EDAR: variants seen among roughly 807,000 people sequenced by gnomAD.
The protein encoded by EDAR is ectodysplasin A receptor.
EDAR carries 38 observed loss-of-function variants against 51.3 expected under a neutral mutation model. The observed-to-expected ratio is 0.74, with a 90% confidence interval of 0.57 to 0.97. The LOEUF is 0.97. EDAR is among the 50% of genes least tolerant of loss of function. The pLI, the probability that EDAR is intolerant of heterozygous loss-of-function variation, is 0.00. For missense variants in EDAR, 528 were observed against 595.0 expected (o/e 0.89, Z 1.17); for synonymous variants, 227 against 242.1 (o/e 0.94, Z 0.58).
At chr2:108,966,211 TG>T in intron 1 of EDAR, among the ~76,000 whole-genome samples, 1 of 152,212 alleles carries the variant, frequency 6.6e-6, no homozygotes. Flanking sequence ...ATTTCAAGAA[TG>T]CAAAGACCTG....
intron 1 of EDAR, among the ~76,000 whole-genome samples, chr2:108,972,567 A>G (rs779733740): frequency 1.3e-5 from 2 of 152,242 alleles, no homozygotes; most frequent in Non-Finnish European, 2.9e-5. Context: ...ACCTGGGTTC[A>G]GAAGCTGGTG....
chr2:108,957,166 G>C (rs1440100497), intron 1 of EDAR, among the ~76,000 whole-genome samples: 1 of 152,228 alleles, frequency 6.6e-6, no homozygotes, highest in African/African-American at 2.4e-5. Context: ...ATCTAAGTGA[G>C]GTAACTGGCC....
At chr2:108,961,204 A>G in intron 1 of EDAR, among the ~76,000 whole-genome samples, 1 of 151,786 alleles carries the variant, frequency 6.6e-6, no homozygotes, top group East Asian at 1.9e-4. Context: ...GAAAAAGAAG[A>G]CTGACCATAA....
intron 1 of EDAR, among the ~76,000 whole-genome samples, chr2:108,965,460 G>A (rs1179701289): frequency 1.2e-4 from 5 of 41,634 alleles, no homozygotes; most frequent in African/African-American, 3.2e-4. Flanking sequence ...GCGAGATTTC[G>A]TCTCAAAAAA....
Position 108,896,669 on chromosome 2 carries a change from A to G in EDAR, c.*238T>C. ...GGGCTGGCTGTATGAGTGAGTAGAT[A>G]TTTACTCTGCCTGGTGAGGTACAGG... On this transcript the variant is annotated 3_prime_UTR_variant, in exon 12 of 12. Coordinates refer to ENST00000258443, the MANE Select transcript of EDAR (RefSeq NM_022336.4). 1 of 550,046 alleles carries G rather than the reference A, an allele frequency of 1.8e-6. No homozygotes were observed. The highest frequency in any genetic ancestry group is 3.3e-6 in the Non-Finnish European group (1 of 307,510). 34.1% of individuals were successfully genotyped at this position (550,046 alleles called of 1,614,324 possible). A position where few individuals can be genotyped will look rare whatever the true frequency, so the allele number is the denominator to read the frequency against.
chr2:108,918,000 C>CA (rs1697058525), intron 5 of EDAR, among the ~76,000 whole-genome samples: 1 of 152,150 alleles, frequency 6.6e-6, no homozygotes, highest in South Asian at 2.1e-4. Context: ...ATCCCAGAAT[C>CA]ATACAAGTAT....
intron 1 of EDAR, among the ~76,000 whole-genome samples, chr2:108,974,751 C>T (rs1698293868): frequency 6.6e-6 from 1 of 152,120 alleles, no homozygotes; most frequent in Admixed American, 6.5e-5. Context: ...GATACTATTC[C>T]CATTTTTCAG....
intron 5 of EDAR, among the ~76,000 whole-genome samples, chr2:108,920,544 A>T (rs1027428844): frequency 2.6e-5 from 4 of 152,126 alleles, no homozygotes; most frequent in Non-Finnish European, 4.4e-5. Flanking sequence ...ACCGGGCTAC[A>T]GGGCTCCACA....
chr2:108,934,475 A>T (rs1166570470), intron 1 of EDAR, among the ~76,000 whole-genome samples: 1 of 152,198 alleles, frequency 6.6e-6, no homozygotes, highest in South Asian at 2.1e-4. Context: ...CTGAGCTCCC[A>T]TATTTGTGAC....
intron 5 of EDAR, among the ~76,000 whole-genome samples, 184 bp from the exon 6 acceptor site, chr2:108,912,948 C>CTTTT (rs373117728): frequency 7.2e-6 from 1 of 139,188 alleles, no homozygotes; most frequent in East Asian, 2.1e-4. Flanking sequence ...CGTTATTGTT[C>CTTTT]TTTTTTTTTT....
At chr2:108,977,810 A>T (rs1483785569) in intron 1 of EDAR, among the ~76,000 whole-genome samples, 1 of 152,194 alleles carries the variant, frequency 6.6e-6, no homozygotes, top group African/African-American at 2.4e-5. Flanking sequence ...TCCTGCTGAG[A>T]GCCGCACCCT....
At chr2:108,948,768 A>T (rs576882037) in intron 1 of EDAR, among the ~76,000 whole-genome samples, 3 of 152,296 alleles carry the variant, frequency 2.0e-5, no homozygotes, top group African/African-American at 7.2e-5. Flanking sequence ...ACATGTGGGG[A>T]TTACAGTTTG....
At position 108,900,141 on chromosome 2, in the gene EDAR, C is replaced by T. The variant is rs553858966; in HGVS notation, c.1025-2912G>A. Among the ~76,000 whole-genome samples, 91 of 152,008 alleles carry T rather than the reference C, an allele frequency of 6.0e-4. 1 individual carries two copies. Among genetic ancestry groups the T allele is most frequent in the African/African-American group, 2.1e-3 (88 of 41,442 alleles). On this transcript the variant is annotated intron_variant, in intron 11 of 11. Coordinates refer to ENST00000258443, the MANE Select transcript of EDAR (RefSeq NM_022336.4). The stretch of plus-strand genomic sequence containing the variant: ...GAATTCTGAAATATGTTCAAGTGAC[C>T]CACAGTAAAGCAGGAATAAAAAAAC...
chr2:108,974,013 T>C (rs941689495), intron 1 of EDAR, among the ~76,000 whole-genome samples: 10 of 152,004 alleles, frequency 6.6e-5, no homozygotes, highest in African/African-American at 2.2e-4. Context: ...ATTCTCCAAA[T>C]AGAAATAATA....
intron 1 of EDAR, among the ~76,000 whole-genome samples, chr2:108,939,273 G>A (rs1050366913): frequency 5.3e-5 from 8 of 151,866 alleles, no homozygotes; most frequent in East Asian, 3.9e-4. Context: ...CGCAACCTCC[G>A]CCTCCCAGGT....
intron 9 of EDAR, 151 bp from the exon 10 acceptor site, chr2:108,908,170 C>T (rs1011284866): frequency 1.2e-4 from 102 of 835,430 alleles, no homozygotes; most frequent in East Asian, 1.1e-3. Context: ...CTTGTGGGCA[C>T]GGGACCAGGG....
At chr2:108,907,328 G>A (rs999730818) in intron 10 of EDAR, among the ~76,000 whole-genome samples, 5 of 151,740 alleles carry the variant, frequency 3.3e-5, no homozygotes, top group Admixed American at 6.6e-5. Flanking sequence ...ATTATTTTTC[G>A]TTTTTGTGTA....
chr2:108,911,918 C>T (rs918405631), intron 6 of EDAR, among the ~76,000 whole-genome samples: 2 of 152,218 alleles, frequency 1.3e-5, no homozygotes, highest in Non-Finnish European at 2.9e-5. Flanking sequence ...CCTGTAATAG[C>T]GTTAGCATGC....
At chr2:108,950,211 C>T (rs1237827394) in intron 1 of EDAR, among the ~76,000 whole-genome samples, 1 of 144,242 alleles carries the variant, frequency 6.9e-6, no homozygotes, top group African/African-American at 2.5e-5. Flanking sequence ...CTACCTCCCT[C>T]CCTCCCTCCC....
Sources: gnomAD v4.1 joint callset for allele counts (sites outside exome capture counted in the v4.1 genomes callset) on GRCh38, gnomAD v4.1.1 for gene constraint, MANE v1.5 for transcripts, NCBI Gene and HGNC (gene_info 2026-07-23, HGNC 2026-07-21) for gene names.